Variants in UBE2D2 observed in about 807,000 individuals in gnomAD.
UBE2D2 encodes ubiquitin conjugating enzyme E2 D2, also known as ubiquitin-conjugating enzyme E2 D2.
UBE2D2 carries 2 observed loss-of-function variants against 24.2 expected under a neutral mutation model. The ratio of observed to expected loss-of-function variants is 0.08; its 90% CI spans 0.03 to 0.26. The LOEUF is 0.26. Among genes scored for constraint, UBE2D2 ranks in the 10% least tolerant of loss-of-function variants. UBE2D2 has a pLI of 1.00. For synonymous variants in UBE2D2, 58 were observed against 56.5 expected (o/e 1.03, Z -0.12); for missense variants, 44 against 177.6 (o/e 0.25, Z 4.28).
In UBE2D2 at chr5:139,599,797, A is replaced by G. The variant is rs114222671; in HGVS notation, c.25-575A>G. 7.7e-3 allele frequency among the ~76,000 whole-genome samples: 1,177 copies of G among 151,962 alleles called. 8 individuals are homozygous for G. Among genetic ancestry groups the G allele is most frequent in the Middle Eastern group, 0.041 (12 of 294 alleles). On this transcript the variant is annotated intron_variant, in intron 1 of 6. Coordinates refer to ENST00000398733, the MANE Select transcript of UBE2D2 (RefSeq NM_003339.3). Reference sequence around the variant, plus strand: ...TTTTTGGCTCTTTAATACATAATACATGTTTTTTGTTTGTTTGTTTTTTTG... The same window carrying G: ...TTTTTGGCTCTTTAATACATAATACGTGTTTTTTGTTTGTTTGTTTTTTTG...
intron 2 of UBE2D2, among the ~76,000 whole-genome samples, chr5:139,605,591 C>CAAAAAAAAAAAAAAAAAAA (rs70988710): frequency 2.2e-5 from 1 of 44,718 alleles, no homozygotes; most frequent in African/African-American, 8.6e-5. Flanking sequence ...GACTCTGTCT[C>CAAAAAAAAAAAAAAAAAAA]AAAAAAAAAA....
intron 1 of UBE2D2, among the ~76,000 whole-genome samples, chr5:139,566,311 G>T (rs533921767): frequency 6.6e-6 from 1 of 152,172 alleles, no homozygotes; most frequent in East Asian, 1.9e-4. Context: ...AAGCCACTGT[G>T]CCCGGCCTAT....
At chr5:139,546,755 G>C (rs1752832166) in intron 1 of UBE2D2, among the ~76,000 whole-genome samples, 1 of 151,964 alleles carries the variant, frequency 6.6e-6, no homozygotes, top group Non-Finnish European at 1.5e-5. Context: ...CAAAGTGCTG[G>C]AATTACAGGC....
At chr5:139,558,195 T>C (rs566506835), upstream of UBE2D2, among the ~76,000 whole-genome samples, 5 of 152,220 alleles carry the variant, frequency 3.3e-5, no homozygotes, top group African/African-American at 1.2e-4. Context: ...TGTGACCAGT[T>C]AAATAAATAT....
At chr5:139,598,477 A>T (rs932327004) in intron 1 of UBE2D2, among the ~76,000 whole-genome samples, 2 of 148,274 alleles carry the variant, frequency 1.3e-5, no homozygotes, top group South Asian at 2.2e-4. Flanking sequence ...CTGGGCTTTT[A>T]TGTTTAAAAA....
chr5:139,595,820 C>A (rs1037416997), intron 1 of UBE2D2, among the ~76,000 whole-genome samples: 16 of 151,448 alleles, frequency 1.1e-4, no homozygotes, highest in Admixed American at 6.6e-5. Flanking sequence ...TCATTCTCAC[C>A]CCTAAGCTTT....
At chr5:139,620,310 A>G (rs1372474780) in intron 5 of UBE2D2, among the ~76,000 whole-genome samples, 1 of 152,018 alleles carries the variant, frequency 6.6e-6, no homozygotes. Context: ...GATAGCCAGT[A>G]CTCTCCTTTC....
At chr5:139,564,066 T>G (rs1451512075) in intron 1 of UBE2D2, among the ~76,000 whole-genome samples, 1 of 152,232 alleles carries the variant, frequency 6.6e-6, no homozygotes, top group Admixed American at 6.5e-5. Context: ...TAATATAGTT[T>G]CTTATGAGTT....
intron 1 of UBE2D2, among the ~76,000 whole-genome samples, chr5:139,527,574 AC>A (rs1212287632): frequency 2.0e-5 from 3 of 152,254 alleles, no homozygotes; most frequent in Non-Finnish European, 2.9e-5. Flanking sequence ...CTTTAAAAAA[AC>A]AATGGTTATC....
At chr5:139,528,873 C>T (rs886577916) in intron 1 of UBE2D2, among the ~76,000 whole-genome samples, 2 of 152,074 alleles carry the variant, frequency 1.3e-5, no homozygotes, top group Non-Finnish European at 2.9e-5. Flanking sequence ...AGGAGCTGTA[C>T]GTGGATAGGA....
At chr5:139,590,909 C>T (rs1387889711) in intron 1 of UBE2D2, among the ~76,000 whole-genome samples, 1 of 148,560 alleles carries the variant, frequency 6.7e-6, no homozygotes, top group Non-Finnish European at 1.5e-5. Context: ...ATTCTTCTGC[C>T]TCAGCCTCCT....
At chr5:139,559,031 G>C (rs944535669), upstream of UBE2D2, among the ~76,000 whole-genome samples, 6 of 152,012 alleles carry the variant, frequency 3.9e-5, no homozygotes, top group Non-Finnish European at 5.9e-5. Context: ...GAACTCCTGA[G>C]TTCAAGTGAT....
intron 1 of UBE2D2, among the ~76,000 whole-genome samples, chr5:139,595,421 C>T (rs1243212118): frequency 6.6e-6 from 1 of 152,026 alleles, no homozygotes; most frequent in African/African-American, 2.4e-5. Context: ...TCTTGTTACC[C>T]AAGCTGGAGT....
At position 139,627,114 on chromosome 5, in the gene UBE2D2, G is replaced by A. The variant is rs1754649695; in HGVS notation, c.*313G>A. On this transcript the variant is annotated 3_prime_UTR_variant, in exon 7 of 7. Transcript: ENST00000398733. ...AAATTTGGATAACAGCAAGGTGTGA[G>A]GGGGGTGGTGGGTATGGTGTGTGCT... The A allele has an allele frequency of 3.5e-6, 1 of 285,440 alleles. No individual in the cohort carries two copies. The highest frequency in any genetic ancestry group is 6.6e-6 in the Non-Finnish European group (1 of 150,498). The allele number at this position is 285,440 out of a possible 1,614,324, so 17.7% of individuals were successfully genotyped here.
intron 1 of UBE2D2, among the ~76,000 whole-genome samples, chr5:139,533,731 C>G (rs1561495445): frequency 2.5e-4 from 38 of 151,376 alleles, no homozygotes; most frequent in Admixed American, 2.5e-3. Context: ...CGTCAGAAAA[C>G]AAGTAATTCC....
chr5:139,549,518 C>A (rs1183156453), intron 1 of UBE2D2, among the ~76,000 whole-genome samples: 1 of 152,240 alleles, frequency 6.6e-6, no homozygotes, highest in Non-Finnish European at 1.5e-5. Context: ...CACTGGGTCC[C>A]CCAGCACTGC....
chr5:139,551,674 C>T (rs1752922994), intron 1 of UBE2D2, among the ~76,000 whole-genome samples: 1 of 152,180 alleles, frequency 6.6e-6, no homozygotes, highest in Non-Finnish European at 1.5e-5. Flanking sequence ...AGATCTCTGC[C>T]CTCCAGAAAC....
At chr5:139,550,883 G>A (rs1752909566) in intron 1 of UBE2D2, among the ~76,000 whole-genome samples, 1 of 152,142 alleles carries the variant, frequency 6.6e-6, no homozygotes, top group Non-Finnish European at 1.5e-5. Context: ...TTTAAGAACT[G>A]TAGCACTCAT....
At position 139,581,977 on chromosome 5, in the gene UBE2D2, G is replaced by GT. The variant is rs376972603; in HGVS notation, c.25-18386dup. Among the ~76,000 whole-genome samples, 136 of 150,212 alleles carry GT rather than the reference G, an allele frequency of 9.1e-4. 1 individual carries two copies. The highest frequency in any genetic ancestry group is 1.7e-3 in the South Asian group (8 of 4,746). On this transcript the variant is annotated intron_variant, in intron 1 of 6. Transcript: ENST00000398733. ...CTACTGTGCCAGCTGTTTTTTTGGG[G>GT]TTTTTTTTTGTTTTTGTTTTTTTTT...
Sources: gnomAD v4.1 joint callset for allele counts (sites outside exome capture counted in the v4.1 genomes callset) on GRCh38, gnomAD v4.1.1 for gene constraint, MANE v1.5 for transcripts, NCBI Gene and HGNC (gene_info 2026-07-23, HGNC 2026-07-21) for gene names.